NIBAN1: variants seen among roughly 807,000 people sequenced by gnomAD.
The protein encoded by NIBAN1 is protein Niban 1.
A neutral mutation model predicts 75.1 loss-of-function variants in NIBAN1; 81 were observed. That is an observed-to-expected ratio of 1.08 (90% CI 0.90 to 1.30). The LOEUF (loss-of-function observed/expected upper bound fraction) is 1.30, where lower values mean the gene tolerates loss of function less well. Ranked by LOEUF, NIBAN1 falls within the 50% of genes most tolerant of loss-of-function variation. The pLI is 0.00. For missense variants in NIBAN1, 1,133 were observed against 1,128.1 expected (o/e 1.00, Z -0.06); for synonymous variants, 436 against 424.8 (o/e 1.03, Z -0.32).
At chr1:184,912,123 TC>T (rs893154643) in intron 1 of NIBAN1, among the ~76,000 whole-genome samples, 68 of 152,316 alleles carry the variant, frequency 4.5e-4, no homozygotes, top group African/African-American at 1.6e-3. Flanking sequence ...CTTGTTTTTT[TC>T]ACTCACATTA....
At chr1:184,928,734 T>C (rs1657746562) in intron 1 of NIBAN1, among the ~76,000 whole-genome samples, 2 of 152,160 alleles carry the variant, frequency 1.3e-5, no homozygotes, top group African/African-American at 4.8e-5. Context: ...AATTCAAGAC[T>C]GCCTCTCCCA....
chr1:184,944,044 C>T (rs891604907), intron 1 of NIBAN1, among the ~76,000 whole-genome samples: 1 of 152,152 alleles, frequency 6.6e-6, no homozygotes, highest in Non-Finnish European at 1.5e-5. Flanking sequence ...ATTACCTCTA[C>T]GGACGTTGCT....
Position 184,823,720 on chromosome 1 carries a change from T to G in NIBAN1, c.740A>C (p.Glu247Ala). 1 of 1,614,064 alleles carries G rather than the reference T, an allele frequency of 6.2e-7. No homozygotes were observed. The highest frequency in any genetic ancestry group is 8.5e-7 in the Non-Finnish European group (1 of 1,179,944). ...EIQILSNLVM[E>A]ELLPTLQTDL... ...TGTCTGAAGAGTGGGCAGGAGCTCC[T>G]CCATCACCAGGTTACTCAGGATCTG... The change falls in exon 7 of 14, where the codon GAG becomes GCG. Residue 247 changes from glutamate to alanine, a missense_variant. By Grantham distance (107) the Glu-to-Ala change is moderately radical (BLOSUM62 -1). Coordinates refer to ENST00000367511, the MANE Select transcript of NIBAN1 (RefSeq NM_052966.4).
chr1:184,964,064 TAA>T (rs76525602), intron 1 of NIBAN1, among the ~76,000 whole-genome samples: 29 of 127,262 alleles, frequency 2.3e-4, no homozygotes, highest in Non-Finnish European at 2.6e-4. Flanking sequence ...CTAAATAAGC[TAA>T]AAAAAAAAAA....
At chr1:184,972,642 C>T (rs545339526) in intron 1 of NIBAN1, among the ~76,000 whole-genome samples, 5 of 152,306 alleles carry the variant, frequency 3.3e-5, no homozygotes, top group African/African-American at 1.2e-4. Context: ...ACACCATATG[C>T]TATAGGTTTA....
chr1:184,915,781 C>T (rs1462602042), intron 1 of NIBAN1, among the ~76,000 whole-genome samples: 1 of 152,018 alleles, frequency 6.6e-6, no homozygotes, highest in Non-Finnish European at 1.5e-5. Flanking sequence ...GAGACAGAGA[C>T]AGAGAGACAT....
chr1:184,937,575 T>C (rs1657994109), intron 1 of NIBAN1, among the ~76,000 whole-genome samples: 1 of 152,220 alleles, frequency 6.6e-6, no homozygotes, highest in Non-Finnish European at 1.5e-5. Flanking sequence ...GACATAAAGA[T>C]GAAAGGTGGG....
chr1:184,820,328 C>A (rs1338936526), intron 8 of NIBAN1, among the ~76,000 whole-genome samples: 1 of 152,058 alleles, frequency 6.6e-6, no homozygotes, highest in South Asian at 2.1e-4. Flanking sequence ...ACAGGAGGGC[C>A]GTGGGAGGGT....
At chr1:184,955,906 A>G (rs1658477249) in intron 1 of NIBAN1, among the ~76,000 whole-genome samples, 2 of 152,250 alleles carry the variant, frequency 1.3e-5, no homozygotes, top group South Asian at 4.1e-4. Flanking sequence ...ATCTACCCAC[A>G]TAATCCTCCA....
intron 3 of NIBAN1, among the ~76,000 whole-genome samples, chr1:184,891,175 G>A (rs959149244): frequency 6.6e-6 from 1 of 152,088 alleles, no homozygotes; most frequent in Non-Finnish European, 1.5e-5. Context: ...TTGTAACAAC[G>A]ACTAATCAAC....
At chr1:184,822,357 C>A (rs1444672054) in intron 8 of NIBAN1, among the ~76,000 whole-genome samples, 3 of 152,152 alleles carry the variant, frequency 2.0e-5, no homozygotes, top group Non-Finnish European at 4.4e-5. Context: ...CTGTAAAGGA[C>A]CAAATAGTAA....
chr1:184,806,762 CTTTT>C (rs397863517), intron 10 of NIBAN1, among the ~76,000 whole-genome samples: 3 of 131,220 alleles, frequency 2.3e-5, no homozygotes, highest in South Asian at 2.6e-4. Flanking sequence ...CAATATATAC[CTTTT>C]TTTTTTTTTT....
Position 184,939,270 on chromosome 1 carries a change from G to T in NIBAN1, c.55+35032C>A, listed in dbSNP as rs1658032399. 2.0e-5 allele frequency among the ~76,000 whole-genome samples: 3 copies of T among 152,224 alleles called. No homozygotes were observed. The South Asian group carries it at 6.2e-4, about 32-fold the overall frequency. Reference sequence around the variant, plus strand: ...CAAGGCTCTCTGAATTTAAAAGAGAGTGACACTTCCAGGGGGAGTAACTGG... The same window carrying T: ...CAAGGCTCTCTGAATTTAAAAGAGATTGACACTTCCAGGGGGAGTAACTGG... On this transcript the variant is annotated intron_variant, in intron 1 of 13. Coordinates refer to ENST00000367511, the MANE Select transcript of NIBAN1 (RefSeq NM_052966.4).
rs111274530 is a variant in NIBAN1 at position 184,816,169 on chromosome 1, G to A, written c.1173+2469C>T. 6.0e-3 allele frequency among the ~76,000 whole-genome samples: 915 copies of A among 152,254 alleles called. 10 individuals carry two copies. Among genetic ancestry groups the A allele is most frequent in the African/African-American group, 0.021 (867 of 41,558 alleles). On this transcript the variant is annotated intron_variant, in intron 9 of 13. Coordinates refer to ENST00000367511, the MANE Select transcript of NIBAN1 (RefSeq NM_052966.4). ...AATCTATTTAATTTTAGGTGATTTG[G>A]TTTATGGGGACCCTGGGTAAGGAGC...
chr1:184,870,664 T>C (rs1169682597), intron 5 of NIBAN1, among the ~76,000 whole-genome samples: 1 of 152,180 alleles, frequency 6.6e-6, no homozygotes, highest in Non-Finnish European at 1.5e-5. Flanking sequence ...GCTCCAAAGA[T>C]GGAAGCAGCC....
At chr1:184,865,587 C>T (rs1655936374) in intron 5 of NIBAN1, among the ~76,000 whole-genome samples, 1 of 151,748 alleles carries the variant, frequency 6.6e-6, no homozygotes, top group South Asian at 2.1e-4. Context: ...ACACGTACCC[C>T]CAAATCTAAA....
At chr1:184,902,381 G>C (rs1036002428) in intron 1 of NIBAN1, among the ~76,000 whole-genome samples, 1 of 152,138 alleles carries the variant, frequency 6.6e-6, no homozygotes, top group South Asian at 2.1e-4. Flanking sequence ...AAGAAAACAA[G>C]AGTAGCAGCC....
intron 1 of NIBAN1, among the ~76,000 whole-genome samples, chr1:184,908,638 C>T (rs546611864): frequency 2.1e-4 from 32 of 152,288 alleles, no homozygotes; most frequent in African/African-American, 6.5e-4. Flanking sequence ...TTTATGCACA[C>T]ATCTTGTTTC....
intron 5 of NIBAN1, among the ~76,000 whole-genome samples, chr1:184,834,981 A>G (rs1448792626): frequency 6.6e-6 from 1 of 152,200 alleles, no homozygotes; most frequent in Non-Finnish European, 1.5e-5. Context: ...TTTAGGTCAA[A>G]CATTTAAGTC....
Sources: gnomAD v4.1 joint callset for allele counts (sites outside exome capture counted in the v4.1 genomes callset) on GRCh38, gnomAD v4.1.1 for gene constraint, MANE v1.5 for transcripts, NCBI Gene and HGNC (gene_info 2026-07-23, HGNC 2026-07-21) for gene names.